Variants in ADAMTS3 observed in about 807,000 individuals in gnomAD.
ADAMTS3 encodes the protein ADAM metallopeptidase with thrombospondin type 1 motif 3.
A neutral mutation model predicts 129.0 loss-of-function variants in ADAMTS3; 73 were observed. The observed-to-expected ratio is 0.57, with a 90% confidence interval of 0.47 to 0.69. The LOEUF (loss-of-function observed/expected upper bound fraction) is 0.69, where lower values mean the gene tolerates loss of function less well. Ranked by LOEUF, ADAMTS3 falls within the 30% of genes least tolerant of loss-of-function variation. ADAMTS3 has a pLI of 0.00. For synonymous variants in ADAMTS3, 477 were observed against 510.8 expected (o/e 0.93, Z 0.89); for missense variants, 1,457 against 1,514.5 (o/e 0.96, Z 0.63).
intron 3 of ADAMTS3, among the ~76,000 whole-genome samples, chr4:72,483,308 G>A (rs562481814): frequency 6.6e-6 from 1 of 152,174 alleles, no homozygotes; most frequent in South Asian, 2.1e-4. Flanking sequence ...TATACAAATT[G>A]TACTTCCAAA....
At chr4:72,491,581 A>G (rs796347957) in intron 3 of ADAMTS3, among the ~76,000 whole-genome samples, 4 of 151,666 alleles carry the variant, frequency 2.6e-5, no homozygotes, top group African/African-American at 9.6e-5. Context: ...CACTCTGTTA[A>G]TTGTGTATGT....
chr4:72,390,652 A>AGCAAAAG (rs1211452212), intron 4 of ADAMTS3, among the ~76,000 whole-genome samples: 5 of 152,164 alleles, frequency 3.3e-5, no homozygotes, highest in Admixed American at 6.5e-5. Flanking sequence ...TACAGGAAGG[A>AGCAAAAG]GCAAAAGGGT....
chr4:72,303,769 G>T, intron 17 of ADAMTS3, 148 bp downstream of exon 17: 2 of 726,642 alleles, frequency 2.8e-6, no homozygotes, highest in Non-Finnish European at 4.5e-6. Flanking sequence ...ACAAAGAGTG[G>T]GGGGAAAGAT....
At chr4:72,374,583 T>C (rs1160311056) in intron 4 of ADAMTS3, among the ~76,000 whole-genome samples, 1 of 152,130 alleles carries the variant, frequency 6.6e-6, no homozygotes, top group African/African-American at 2.4e-5. Context: ...CATAAATAGA[T>C]TTTTATATTT....
At chr4:72,447,971 T>A (rs910924318) in intron 3 of ADAMTS3, among the ~76,000 whole-genome samples, 2 of 151,766 alleles carry the variant, frequency 1.3e-5, no homozygotes, top group African/African-American at 2.4e-5. Context: ...ACACTTTTTT[T>A]ATACTGAGTA....
chr4:72,484,400 A>G (rs1719522281), intron 3 of ADAMTS3, among the ~76,000 whole-genome samples: 1 of 152,178 alleles, frequency 6.6e-6, no homozygotes, highest in Admixed American at 6.5e-5. Flanking sequence ...CTGACCATCT[A>G]TGTCTTACTC....
At chr4:72,488,585 A>G (rs1389382668) in intron 3 of ADAMTS3, among the ~76,000 whole-genome samples, 1 of 151,964 alleles carries the variant, frequency 6.6e-6, no homozygotes, top group Non-Finnish European at 1.5e-5. Flanking sequence ...CCTGCTCTCT[A>G]GTTGATTCAC....
At chr4:72,306,850 T>C (rs1340324828) in intron 15 of ADAMTS3, among the ~76,000 whole-genome samples, 1 of 151,982 alleles carries the variant, frequency 6.6e-6, no homozygotes, top group Admixed American at 6.6e-5. Context: ...ACTGTAAATG[T>C]CATATATCAC....
chr4:72,539,723 G>A (rs1314150132), intron 3 of ADAMTS3, among the ~76,000 whole-genome samples: 1 of 152,064 alleles, frequency 6.6e-6, no homozygotes, highest in African/African-American at 2.4e-5. Context: ...TTCCTGTGCT[G>A]TTCTCCTGAT....
intron 5 of ADAMTS3, among the ~76,000 whole-genome samples, chr4:72,331,325 T>C (rs78991839): frequency 0.047 from 7,192 of 152,146 alleles, 546 homozygotes; most frequent in African/African-American, 0.16. Flanking sequence ...GAAATTAAGA[T>C]AGCTTGTTGA....
intron 4 of ADAMTS3, among the ~76,000 whole-genome samples, chr4:72,385,257 G>C (rs1007934910): frequency 8.6e-5 from 13 of 151,886 alleles, no homozygotes; most frequent in Non-Finnish European, 1.8e-4. Flanking sequence ...ACATGAATTG[G>C]TACAATATTA....
At chr4:72,439,216 TTTC>T (rs1429112437) in intron 3 of ADAMTS3, among the ~76,000 whole-genome samples, 2 of 151,766 alleles carry the variant, frequency 1.3e-5, no homozygotes, top group Admixed American at 1.3e-4. Context: ...GTACATGCCA[TTTC>T]ATTAAGTTTT....
intron 3 of ADAMTS3, among the ~76,000 whole-genome samples, chr4:72,538,964 C>T (rs976964497): frequency 4.0e-5 from 6 of 151,844 alleles, no homozygotes; most frequent in African/African-American, 1.5e-4. Context: ...TATCCACATG[C>T]CCAAAGCATA....
chr4:72,550,257 G>A (rs776059770), intron 2 of ADAMTS3, among the ~76,000 whole-genome samples: 1 of 151,830 alleles, frequency 6.6e-6, no homozygotes, highest in Non-Finnish European at 1.5e-5. Flanking sequence ...TGGAGATCAC[G>A]AGTTTTGTCA....
rs1004979717 is a variant in ADAMTS3, at chr4:72,320,939, T to C, written c.946-69A>G. 5.7e-5 allele frequency: 85 copies of C among 1,486,462 alleles called. No homozygotes were observed. In the Middle Eastern group the frequency reaches 7.1e-4, roughly 12 times the overall value. The allele number at this position is 1,486,462 out of a possible 1,614,324, so 92.1% of individuals were successfully genotyped here. A position where few individuals can be genotyped will look rare whatever the true frequency, so the allele number is the denominator to read the frequency against. Reference sequence around the variant, plus strand: ...AAAGGCTTCGTTTGATAATTTCCTCTGAAGCTGAATTTGGGATTAAAGTAT... The same window carrying C: ...AAAGGCTTCGTTTGATAATTTCCTCCGAAGCTGAATTTGGGATTAAAGTAT... On this transcript the variant is annotated intron_variant, in intron 6 of 21. Transcript: ENST00000286657.
intron 4 of ADAMTS3, among the ~76,000 whole-genome samples, chr4:72,348,666 A>G (rs1720350675): frequency 6.6e-6 from 1 of 152,038 alleles, no homozygotes; most frequent in Admixed American, 6.6e-5. Flanking sequence ...CATTAAAAGC[A>G]GAGAGCTTTA....
intron 4 of ADAMTS3, among the ~76,000 whole-genome samples, chr4:72,399,247 T>C (rs1327029500): frequency 1.3e-5 from 2 of 151,910 alleles, no homozygotes; most frequent in Admixed American, 1.3e-4. Context: ...CTGGGCAACA[T>C]AGTGAGACCT....
At chr4:72,356,117 AAACAAATGAGTG>A (rs1465424582) in intron 4 of ADAMTS3, among the ~76,000 whole-genome samples, 5 of 152,208 alleles carry the variant, frequency 3.3e-5, no homozygotes, top group African/African-American at 9.6e-5. Context: ...AATATTTGTT[AAACAAATGAGTG>A]AACAAATCAG....
intron 3 of ADAMTS3, among the ~76,000 whole-genome samples, chr4:72,498,499 A>G (rs1719926601): frequency 6.6e-6 from 1 of 152,114 alleles, no homozygotes; most frequent in Non-Finnish European, 1.5e-5. Flanking sequence ...TCAAGGTAAT[A>G]AAGAATGAAA....
Sources: gnomAD v4.1 joint callset for allele counts (sites outside exome capture counted in the v4.1 genomes callset) on GRCh38, gnomAD v4.1.1 for gene constraint, MANE v1.5 for transcripts, NCBI Gene and HGNC (gene_info 2026-07-23, HGNC 2026-07-21) for gene names.